Variants in BIN2 observed in about 807,000 individuals in gnomAD.
BIN2 encodes the protein bridging integrator 2, also known as breast cancer associated protein BRAP1.
In BIN2, 43 loss-of-function variants were observed where a neutral mutation model predicts 67.9. The observed-to-expected ratio is 0.63, with a 90% CI of 0.50 to 0.82. BIN2 has a LOEUF of 0.82. Ranked by LOEUF, BIN2 falls within the 40% of genes least tolerant of loss-of-function variation. The pLI is 0.00. For synonymous variants in BIN2, 244 were observed against 246.8 expected (o/e 0.99, Z 0.11); for missense variants, 581 against 671.6 (o/e 0.87, Z 1.49).
At chr12:51,319,331 C>T (rs1165125231) in intron 1 of BIN2, among the ~76,000 whole-genome samples, 1 of 152,174 alleles carries the variant, frequency 6.6e-6, no homozygotes, top group Admixed American at 6.5e-5. Flanking sequence ...AAAGGTGTTA[C>T]CACCCTGAAA....
At chr12:51,286,514 A>G (rs1945240307) in intron 11 of BIN2, among the ~76,000 whole-genome samples, 1 of 152,202 alleles carries the variant, frequency 6.6e-6, no homozygotes, top group African/African-American at 2.4e-5. Flanking sequence ...TGGCTCCTAT[A>G]AACTCCTCCC....
At chr12:51,316,489 G>T (rs1307700421) in intron 1 of BIN2, among the ~76,000 whole-genome samples, 1 of 151,724 alleles carries the variant, frequency 6.6e-6, no homozygotes, top group Non-Finnish European at 1.5e-5. Flanking sequence ...GAGGGAAATT[G>T]TCTCAAAAAA....
At chr12:51,312,630 G>T (rs1946022990) in intron 2 of BIN2, among the ~76,000 whole-genome samples, 1 of 152,134 alleles carries the variant, frequency 6.6e-6, no homozygotes, top group African/African-American at 2.4e-5. Context: ...GATTGCCCAT[G>T]AGTGGATAAA....
At chr12:51,323,751 T>G (rs1483208746) in intron 1 of BIN2, among the ~76,000 whole-genome samples, 1 of 152,228 alleles carries the variant, frequency 6.6e-6, no homozygotes, top group East Asian at 1.9e-4. Context: ...GCCTGAGGGT[T>G]GTCGAAGGTT....
intron 2 of BIN2, among the ~76,000 whole-genome samples, chr12:51,307,934 T>C (rs1945912467): frequency 6.6e-6 from 1 of 152,192 alleles, no homozygotes; most frequent in African/African-American, 2.4e-5. Context: ...TGTTTTAGAA[T>C]GAAGCCTTTT....
intron 9 of BIN2, among the ~76,000 whole-genome samples, chr12:51,294,343 C>T (rs1366542588): frequency 7.2e-5 from 11 of 152,028 alleles, no homozygotes; most frequent in African/African-American, 1.9e-4. Context: ...CCAAGGCGGG[C>T]GGATCACGAG....
At chr12:51,308,203 T>TA (rs1945918389) in intron 2 of BIN2, among the ~76,000 whole-genome samples, 4 of 152,188 alleles carry the variant, frequency 2.6e-5, no homozygotes, top group Admixed American at 2.0e-4. Flanking sequence ...CTCGCTTGTC[T>TA]GGGAGTCAAG....
intron 7 of BIN2, 67 bp from the exon 8 acceptor site, chr12:51,297,231 A>G (rs1357056098): frequency 1.5e-5 from 22 of 1,492,758 alleles, no homozygotes; most frequent in Non-Finnish European, 2.0e-5. Flanking sequence ...TGTTTGAAAT[A>G]CAAAGTAGGA....
At chr12:51,295,311 G>C (rs7975534) in intron 9 of BIN2, among the ~76,000 whole-genome samples, 47,935 of 149,386 alleles carry the variant, frequency 0.32, 8,463 homozygotes, top group Middle Eastern at 0.46. Context: ...CACTTTGTGA[G>C]GCCGAGGCGG....
At chr12:51,324,295 G>T, upstream of BIN2, 2 of 1,383,378 alleles carry the variant, frequency 1.4e-6, no homozygotes, top group Non-Finnish European at 1.9e-6. Flanking sequence ...CGGCTCGGAG[G>T]GGCGGGCCCG....
chr12:51,316,906 C>T (rs1009133293), intron 1 of BIN2, among the ~76,000 whole-genome samples: 1 of 152,018 alleles, frequency 6.6e-6, no homozygotes, highest in Non-Finnish European at 1.5e-5. Context: ...GACAGAGTTT[C>T]GCTCTTGTTG....
intron 1 of BIN2, among the ~76,000 whole-genome samples, chr12:51,323,800 T>C (rs1946354305): frequency 6.6e-6 from 1 of 152,224 alleles, no homozygotes; most frequent in Non-Finnish European, 1.5e-5. Context: ...TCCCTTATCC[T>C]TGCCCAAGAT....
chr12:51,293,672 A>G lies in BIN2; in HGVS notation c.762-1328T>C, dbSNP rs558948234. ...TCAACAACCCAATTGAAAAATGGGA[A>G]AACGATATATAGGAAAGTCACAGAA... On this transcript the variant is annotated intron_variant, in intron 9 of 12. Transcript: ENST00000615107. 2.6e-5 allele frequency among the ~76,000 whole-genome samples: 4 copies of G among 152,322 alleles called. No homozygotes were observed. In the East Asian group the frequency reaches 7.7e-4, roughly 29 times the overall value.
Position 51,299,355 on chromosome 12 carries a change from C to T in BIN2, c.517-67G>A, listed in dbSNP as rs1024783729. 1.2e-5 allele frequency: 18 copies of T among 1,451,790 alleles called. No homozygotes were observed. In the African/African-American group the frequency reaches 2.1e-4, roughly 17 times the overall value. 89.9% of individuals were successfully genotyped at this position (1,451,790 alleles called of 1,614,324 possible). On this transcript the variant is annotated intron_variant, in intron 6 of 12. Coordinates refer to ENST00000615107, the MANE Select transcript of BIN2 (RefSeq NM_016293.4). ...ACCCAGTACTACAGCATGCCTCCTT[C>T]ATCCTCTGCATTTTTTTAGGCACTA...
chr12:51,284,919 GTTGTTTC>G, intron 11 of BIN2, 132 bp from the exon 12 acceptor site: 1 of 651,252 alleles, frequency 1.5e-6, no homozygotes, highest in South Asian at 1.9e-5. Flanking sequence ...AAAATACAGT[GTTGTTTC>G]ACCAGAGCCT....
intron 2 of BIN2, among the ~76,000 whole-genome samples, chr12:51,308,305 T>A (rs1235321794): frequency 6.6e-6 from 1 of 152,208 alleles, no homozygotes; most frequent in Non-Finnish European, 1.5e-5. Context: ...GTTCTAGCTC[T>A]AAATCTTATG....
At position 51,324,170 on chromosome 12, in the gene BIN2, G is replaced by A; in HGVS notation, c.-68C>T. On this transcript the variant is annotated 5_prime_UTR_variant, in exon 1 of 13. Coordinates refer to ENST00000615107, the MANE Select transcript of BIN2 (RefSeq NM_016293.4). ...GTGGTTTTCTGAGGCCCCCGAGGAG[G>A]AAGTGCGGGCTCCCGGCATGCCTCG... 1.3e-6 allele frequency: 2 copies of A among 1,590,388 alleles called. No individual in the cohort carries two copies. Among genetic ancestry groups the A allele is most frequent in the Non-Finnish European group, 1.7e-6 (2 of 1,170,370 alleles).
chr12:51,294,189 C>A (rs1342138206), intron 9 of BIN2, among the ~76,000 whole-genome samples: 2 of 152,212 alleles, frequency 1.3e-5, no homozygotes, highest in South Asian at 4.1e-4. Context: ...GTAGCAATAA[C>A]AAAAAATCTT....
At position 51,292,128 on chromosome 12, in the gene BIN2, A is replaced by G; in HGVS notation, c.978T>C (p.Ser326=). 1.2e-6 allele frequency: 2 copies of G among 1,614,104 alleles called. No homozygotes were observed. Among genetic ancestry groups the G allele is most frequent in the Non-Finnish European group, 8.5e-7 (1 of 1,180,012 alleles). The change falls in exon 10 of 13, where the codon TCT becomes TCC. Residue 326 remains serine, a synonymous_variant. Coordinates refer to ENST00000615107, the MANE Select transcript of BIN2 (RefSeq NM_016293.4). ...LEEEEIEKEG[S]EASSSEEDEP... is the part of the protein sequence containing the mutation. ...CATCTTCCTCAGAGGAGCTTGCTTC[A>G]GATCCTTCCTTCTCTATTTCCTCCT... is the stretch of plus-strand genomic sequence containing the variant.
Sources: gnomAD v4.1 joint callset for allele counts (sites outside exome capture counted in the v4.1 genomes callset) on GRCh38, gnomAD v4.1.1 for gene constraint, MANE v1.5 for transcripts, NCBI Gene and HGNC (gene_info 2026-07-23, HGNC 2026-07-21) for gene names.